The following IGBP1 variants were observed in gnomAD, a reference collection of about 807,000 sequenced individuals.
IGBP1 encodes immunoglobulin binding protein 1, also known as immunoglobulin-binding protein 1.
IGBP1 carries 2 observed loss-of-function variants against 25.9 expected under a neutral mutation model. The ratio of observed to expected loss-of-function variants is 0.08; its 90% CI spans 0.03 to 0.24. IGBP1 has a LOEUF of 0.24. Among genes scored for constraint, IGBP1 ranks in the 10% least tolerant of loss-of-function variants. The pLI, the probability that IGBP1 is intolerant of heterozygous loss-of-function variation, is 1.00. For synonymous variants in IGBP1, 96 were observed against 93.4 expected (o/e 1.03, Z -0.16); for missense variants, 187 against 260.4 (o/e 0.72, Z 1.94).
At chrX:70,144,563 A>T (rs2085152850) in intron 3 of IGBP1, among the ~76,000 whole-genome samples, 1 of 110,054 alleles carries the variant, frequency 9.1e-6, no homozygotes, top group Non-Finnish European at 1.9e-5. Context: ...TATTCGTAAC[A>T]TTATAGTAAA....
At chrX:70,155,922 ATT>A (rs2085237498) in intron 6 of IGBP1, among the ~76,000 whole-genome samples, 1 of 112,153 alleles carries the variant, frequency 8.9e-6, no homozygotes, top group Non-Finnish European at 1.9e-5. Flanking sequence ...TTTTCAAATT[ATT>A]TACTTGAATA....
chrX:70,137,508 T>C (rs1054283909), intron 3 of IGBP1, among the ~76,000 whole-genome samples: 6 of 110,439 alleles, frequency 5.4e-5, no homozygotes, highest in Admixed American at 9.7e-5. Flanking sequence ...CCAGATGAAG[T>C]CAGTGCTGCT....
intron 3 of IGBP1, among the ~76,000 whole-genome samples, chrX:70,138,848 A>G (rs1465490112): frequency 8.9e-6 from 1 of 112,288 alleles, no homozygotes; most frequent in East Asian, 2.8e-4. Context: ...GAGTAATGCC[A>G]TAAACAAACA....
At chrX:70,136,796 ACCT>A (rs974313372) in intron 3 of IGBP1, among the ~76,000 whole-genome samples, 2 of 108,443 alleles carry the variant, frequency 1.8e-5, no homozygotes, top group African/African-American at 6.7e-5. Flanking sequence ...TGCAACCTCC[ACCT>A]CCTGGGTTCA....
intron 6 of IGBP1, among the ~76,000 whole-genome samples, chrX:70,154,055 ATTT>A (rs36090746): frequency 4.6e-5 from 3 of 65,565 alleles, no homozygotes; most frequent in Non-Finnish European, 5.8e-5. Flanking sequence ...CCATCACATA[ATTT>A]TTTTTTTTTT....
intron 3 of IGBP1, among the ~76,000 whole-genome samples, chrX:70,137,309 G>T (rs2085100861): frequency 9.0e-6 from 1 of 111,056 alleles, no homozygotes; most frequent in Admixed American, 9.6e-5. Flanking sequence ...AAGAAGAGAA[G>T]ATCGGGGAAG....
intron 6 of IGBP1, among the ~76,000 whole-genome samples, chrX:70,154,455 A>ATT (rs1474155835): frequency 9.2e-6 from 1 of 108,702 alleles, no homozygotes. Context: ...TTAAAAAATA[A>ATT]TTTATCAAGA....
Position 70,158,985 on chromosome X carries a change from G to T in IGBP1, c.872-6848G>T, listed in dbSNP as rs771569297. 4.5e-5 allele frequency among the ~76,000 whole-genome samples: 5 copies of T among 112,313 alleles called. No homozygotes were observed. In the East Asian group the frequency reaches 1.4e-3, roughly 31 times the overall value. On this transcript the variant is annotated intron_variant, in intron 6 of 6. Transcript: ENST00000356413. ...AACCCTACACAAAGTTATTAGAAGA[G>T]AAAAACACTACAGAAAGACACGCTC...
intron 6 of IGBP1, among the ~76,000 whole-genome samples, chrX:70,153,812 A>G (rs1322414160): frequency 9.0e-6 from 1 of 111,594 alleles, no homozygotes; most frequent in African/African-American, 3.3e-5. Flanking sequence ...GATGTAGCTG[A>G]GGACAGGAGG....
rs146085066 is a variant in IGBP1 at position 70,147,990 on chromosome X, G to A, written c.679-771G>A. 2.3e-3 allele frequency among the ~76,000 whole-genome samples: 263 copies of A among 112,310 alleles called. 2 individuals are homozygous for A. In the East Asian group the frequency reaches 0.026, roughly 11 times the overall value. ...AGGCCCCTTGAGCATGTCTAGATGA[G>A]TGCTTTTCAAGCATTTTGAGGCTGG... is the stretch of plus-strand genomic sequence containing the variant. On this transcript the variant is annotated intron_variant, in intron 4 of 6. Coordinates refer to ENST00000356413, the MANE Select transcript of IGBP1 (RefSeq NM_001551.3).
chrX:70,136,082 C>T (rs1174331409), intron 3 of IGBP1, among the ~76,000 whole-genome samples: 1 of 111,442 alleles, frequency 9.0e-6, no homozygotes, highest in Non-Finnish European at 1.9e-5. Flanking sequence ...TTATTTGTGG[C>T]TAAGAGTATG....
intron 6 of IGBP1, among the ~76,000 whole-genome samples, chrX:70,154,714 C>CAAAATAAAA (rs2085227265): frequency 3.7e-5 from 1 of 27,106 alleles, no homozygotes; most frequent in Non-Finnish European, 5.6e-5. Flanking sequence ...CCCCTCTCCA[C>CAAAATAAAA]AAAAAAAAAA....
At position 70,150,263 on chromosome X, in the gene IGBP1, A is replaced by G; in HGVS notation, c.812A>G (p.Tyr271Cys). Residue 271 changes from tyrosine (Y) to cysteine (C), a missense_variant, in exon 6 of 7, where the codon TAT becomes TGT. Tyr to Cys is a radical substitution (Grantham distance 194, BLOSUM62 -2). Coordinates refer to ENST00000356413, the MANE Select transcript of IGBP1 (RefSeq NM_001551.3). Reference protein sequence around the residue: ...SLPTMTVSDWYEQHRKYGALP... With the variant: ...SLPTMTVSDWCEQHRKYGALP... Reference sequence around the variant, plus strand: ...CCAACTATGACGGTGAGTGACTGGTATGAGCAACATCGGAAATATGGAGCA... The same window carrying G: ...CCAACTATGACGGTGAGTGACTGGTGTGAGCAACATCGGAAATATGGAGCA... 1 of 1,206,754 alleles carries G rather than the reference A, an allele frequency of 8.3e-7. No homozygotes were observed. Among genetic ancestry groups the G allele is most frequent in the Non-Finnish European group, 1.1e-6 (1 of 891,171 alleles).
chrX:70,149,119 T>A (rs649554), intron 5 of IGBP1, among the ~76,000 whole-genome samples: 6 of 109,300 alleles, frequency 5.5e-5, no homozygotes, highest in Non-Finnish European at 1.1e-4. Context: ...TCCCGGCTAC[T>A]GGGGAGGCTG....
chrX:70,134,046 C>T lies in IGBP1; in HGVS notation c.99C>T (p.Ala33=), dbSNP rs146978115. ...AAGTAGAAGTGGCGACTGAACCCGC[C>T]GGTTCCCGGATAGTCCAGGAGAAGG... The part of the protein sequence containing the change: ...LDEVEVATEP[A]GSRIVQEKVF... Residue 33 remains alanine, a synonymous_variant, in exon 2 of 7, where the codon GCC becomes GCT. Transcript: ENST00000356413. The T allele has an allele frequency of 8.0e-4, 974 of 1,210,259 alleles. 4 individuals carry two copies. In the African/African-American group the frequency reaches 0.015, roughly 19 times the overall value.
chrX:70,133,885 C>G lies in IGBP1; in HGVS notation c.-63C>G. On this transcript the variant is annotated 5_prime_UTR_variant, in exon 2 of 7. Coordinates refer to ENST00000356413, the MANE Select transcript of IGBP1 (RefSeq NM_001551.3). The stretch of plus-strand genomic sequence containing the variant: ...CGGTTTTGTCCGCGCTCGCCTAATT[C>G]TTCTTTATCAAGGTTGCCTTTGACC... 9.4e-7 allele frequency: 1 copy of G among 1,064,957 alleles called. No homozygotes were observed. The highest frequency in any genetic ancestry group is 1.3e-6 in the Non-Finnish European group (1 of 773,620). The allele number at this position is 1,064,957 out of a possible 1,213,427, so 87.8% of individuals were successfully genotyped here. A position where few individuals can be genotyped will look rare whatever the true frequency, so the allele number is the denominator to read the frequency against.
At chrX:70,142,410 C>T (rs2085136178) in intron 3 of IGBP1, among the ~76,000 whole-genome samples, 1 of 111,116 alleles carries the variant, frequency 9.0e-6, no homozygotes, top group African/African-American at 3.3e-5. Context: ...AGGGGAAAGG[C>T]ACCAGTAGAG....
In IGBP1 at chrX:70,166,018, C is replaced by T. The variant is rs754119768; in HGVS notation, c.*37C>T. ...CACCACAGGACTGCAGGGTGCACAA[C>T]TCCCCTGCCAAGGAAAACCATGCAG... On this transcript the variant is annotated 3_prime_UTR_variant, in exon 7 of 7. Transcript: ENST00000356413. The T allele has an allele frequency of 1.7e-6, 2 of 1,194,223 alleles. No homozygotes were observed. The highest frequency in any genetic ancestry group is 3.5e-5 in the African/African-American group (2 of 56,767).
intron 6 of IGBP1, among the ~76,000 whole-genome samples, chrX:70,153,550 A>G (rs924221131): frequency 3.6e-5 from 4 of 112,541 alleles, no homozygotes; most frequent in South Asian, 3.7e-4. Flanking sequence ...AAATGGAACT[A>G]TTTTGTTTGT....
Sources: allele counts gnomAD v4.1 joint callset (sites outside exome capture counted in the v4.1 genomes callset), GRCh38; gene constraint gnomAD v4.1.1; transcripts MANE v1.5; gene names NCBI Gene and HGNC (gene_info 2026-07-23, HGNC 2026-07-21).